CLVS1: variants seen among roughly 807,000 people sequenced by gnomAD.
CLVS1 encodes the protein clavesin-1.
Under a neutral mutation model 33.1 loss-of-function variants are expected in CLVS1, and 10 were observed. The observed-to-expected ratio is 0.30, with a 90% CI of 0.19 to 0.51. The LOEUF (loss-of-function observed/expected upper bound fraction) is 0.51, where lower values mean the gene tolerates loss of function less well. CLVS1 is among the 20% of genes least tolerant of loss of function. The pLI is 0.97. For missense variants in CLVS1, 343 were observed against 433.4 expected (o/e 0.79, Z 1.85); for synonymous variants, 163 against 166.1 (o/e 0.98, Z 0.14).
intron 4 of CLVS1, among the ~76,000 whole-genome samples, chr8:61,456,977 G>T (rs1490456922): frequency 6.7e-6 from 1 of 149,714 alleles, no homozygotes; most frequent in African/African-American, 2.5e-5. Context: ...TTGTTCTGTT[G>T]CCCAGGCTGG....
chr8:61,479,989 C>T (rs541113634), intron 5 of CLVS1, among the ~76,000 whole-genome samples: 1 of 152,330 alleles, frequency 6.6e-6, no homozygotes, highest in Admixed American at 6.5e-5. Flanking sequence ...GTCAGTCCTC[C>T]CCTACTGGAG....
chr8:60,971,071 C>CTTTTTTTTTT, the CLVS1 span, among the ~76,000 whole-genome samples: 1 of 91,052 alleles, frequency 1.1e-5, no homozygotes, highest in Non-Finnish European at 2.0e-5. Context: ...ATGACTTTTC[C>CTTTTTTTTTT]TTTTTTTTTT....
At chr8:60,998,316 A>G in the CLVS1 span, among the ~76,000 whole-genome samples, 3 of 152,148 alleles carry the variant, frequency 2.0e-5, no homozygotes, top group African/African-American at 7.2e-5. Flanking sequence ...TCCCACTATC[A>G]TCTGCCACTT....
chr8:61,431,730 C>T lies in CLVS1; in HGVS notation c.631-22411C>T, dbSNP rs77653900. On this transcript the variant is annotated intron_variant, in intron 3 of 5. Coordinates refer to ENST00000325897, the MANE Select transcript of CLVS1 (RefSeq NM_173519.3). ...CTTTTTAATCTCTTTTGTTCTTTGA[C>T]GTATCCCCAGGTCCTGAAATTTTAG... Among the ~76,000 whole-genome samples, 471 of 152,160 alleles carry T rather than the reference C, an allele frequency of 3.1e-3. 1 individual carries two copies. Among genetic ancestry groups the T allele is most frequent in the African/African-American group, 0.011 (455 of 41,514 alleles).
intron 2 of CLVS1, among the ~76,000 whole-genome samples, chr8:61,247,204 G>A (rs1428653278): frequency 2.0e-5 from 3 of 152,172 alleles, no homozygotes; most frequent in Non-Finnish European, 2.9e-5. Context: ...TCATTGATGA[G>A]CATTTAGGTT....
intron 1 of CLVS1, among the ~76,000 whole-genome samples, chr8:61,098,761 GC>G (rs928037542): frequency 6.6e-6 from 1 of 152,114 alleles, no homozygotes; most frequent in Non-Finnish European, 1.5e-5. Context: ...CCCCCAGTCT[GC>G]CTCTCTGAAC....
At chr8:61,128,592 C>T (rs1806022888) in intron 1 of CLVS1, among the ~76,000 whole-genome samples, 1 of 152,198 alleles carries the variant, frequency 6.6e-6, no homozygotes, top group Admixed American at 6.5e-5. Context: ...GACACAGGGG[C>T]CACCAAGTGT....
At chr8:61,011,328 T>C in the CLVS1 span, among the ~76,000 whole-genome samples, 1 of 152,236 alleles carries the variant, frequency 6.6e-6, no homozygotes, top group Admixed American at 6.5e-5. Flanking sequence ...TCTGTGGTAC[T>C]CCTCTCTTCT....
chr8:61,111,813 T>C (rs1421692933), intron 1 of CLVS1, among the ~76,000 whole-genome samples: 1 of 152,196 alleles, frequency 6.6e-6, no homozygotes, highest in African/African-American at 2.4e-5. Context: ...AAGTTCATCA[T>C]TTTTATAGAT....
At chr8:61,263,992 AAG>A (rs1467066960) in intron 2 of CLVS1, among the ~76,000 whole-genome samples, 1 of 152,184 alleles carries the variant, frequency 6.6e-6, no homozygotes, top group Admixed American at 6.5e-5. Flanking sequence ...TCTGTTTACA[AAG>A]AGAGAGACTA....
intron 2 of CLVS1, among the ~76,000 whole-genome samples, chr8:61,322,765 A>C (rs1229097026): frequency 6.6e-6 from 1 of 152,140 alleles, no homozygotes; most frequent in Non-Finnish European, 1.5e-5. Flanking sequence ...TCTCATCTCA[A>C]TTAATCAATT....
At chr8:61,340,220 A>G (rs2129598119) in intron 2 of CLVS1, among the ~76,000 whole-genome samples, 1 of 152,364 alleles carries the variant, frequency 6.6e-6, no homozygotes, top group Middle Eastern at 3.4e-3. Flanking sequence ...CTTAAAATCT[A>G]CTTTCTTGGC....
intron 2 of CLVS1, chr8:61,202,873 G>C: frequency 6.8e-6 from 6 of 880,872 alleles, no homozygotes; most frequent in Non-Finnish European, 1.1e-5. Flanking sequence ...TGATGATGAA[G>C]ATGATGATGA....
the CLVS1 span, among the ~76,000 whole-genome samples, chr8:61,043,276 C>A: frequency 6.6e-6 from 1 of 152,132 alleles, no homozygotes; most frequent in South Asian, 2.1e-4. Flanking sequence ...TAGGAAAAGC[C>A]AAATGGAGGC....
chr8:61,287,222 A>G (rs570008457), upstream of CLVS1, among the ~76,000 whole-genome samples: 4 of 152,342 alleles, frequency 2.6e-5, no homozygotes, highest in South Asian at 8.3e-4. Context: ...CCAAACTGCC[A>G]TATTAAACTG....
chr8:61,105,042 C>T (rs1279035943), intron 1 of CLVS1, among the ~76,000 whole-genome samples: 2 of 152,092 alleles, frequency 1.3e-5, no homozygotes, highest in African/African-American at 2.4e-5. Context: ...GTTGGCCAGG[C>T]TGGTCTTGAA....
the CLVS1 span, among the ~76,000 whole-genome samples, chr8:60,968,514 CAAAAA>C: frequency 1.6e-5 from 2 of 128,132 alleles, no homozygotes; most frequent in East Asian, 4.6e-4. Context: ...GACTCCGTTT[CAAAAA>C]AAAAAAAAAA....
chr8:61,441,796 A>C (rs183395762), intron 3 of CLVS1, among the ~76,000 whole-genome samples: 176 of 152,316 alleles, frequency 1.2e-3, no homozygotes, highest in African/African-American at 3.8e-3. Flanking sequence ...CAGTGTGAAA[A>C]TGAAGTACAA....
chr8:61,428,409 C>T (rs993686057), intron 3 of CLVS1, among the ~76,000 whole-genome samples: 3 of 152,074 alleles, frequency 2.0e-5, no homozygotes, highest in African/African-American at 4.8e-5. Context: ...TATTCAATCA[C>T]AATACAATGG....
Sources: allele counts gnomAD v4.1 joint callset (sites outside exome capture counted in the v4.1 genomes callset), GRCh38; gene constraint gnomAD v4.1.1; transcripts MANE v1.5; gene names NCBI Gene and HGNC (gene_info 2026-07-23, HGNC 2026-07-21).